The following ANK1 variants were observed in gnomAD, a reference collection of about 807,000 sequenced individuals.
The protein encoded by ANK1 is ankyrin-1.
In ANK1, 51 loss-of-function variants were observed where a neutral mutation model predicts 210.4. The observed-to-expected ratio is 0.24, with a 90% CI of 0.19 to 0.31. The LOEUF is 0.31. Ranked by LOEUF, ANK1 falls within the 10% of genes least tolerant of loss-of-function variation. The pLI is 1.00. For synonymous variants in ANK1, 967 were observed against 1,025.9 expected (o/e 0.94, Z 1.10); for missense variants, 2,051 against 2,504.4 (o/e 0.82, Z 3.86).
At chr8:41,777,611 AAAACAAAC>A (rs200293743) in intron 1 of ANK1, among the ~76,000 whole-genome samples, 27 of 151,452 alleles carry the variant, frequency 1.8e-4, no homozygotes, top group Admixed American at 2.6e-4. Flanking sequence ...ACAATAAATA[AAAACAAAC>A]AAACAAACAA....
At chr8:41,844,681 A>G (rs1411402317) in intron 1 of ANK1, among the ~76,000 whole-genome samples, 2 of 152,226 alleles carry the variant, frequency 1.3e-5, no homozygotes, top group Non-Finnish European at 2.9e-5. Flanking sequence ...GCCTCCAAAG[A>G]GACGTGGTAA....
At chr8:41,794,983 C>T (rs1848484559) in intron 1 of ANK1, among the ~76,000 whole-genome samples, 1 of 152,208 alleles carries the variant, frequency 6.6e-6, no homozygotes, top group East Asian at 1.9e-4. Flanking sequence ...GGATTACCGG[C>T]GTGAGCCACC....
chr8:41,668,703 C>T, intron 38 of ANK1, 139 bp from the exon 39 acceptor site: 1 of 987,788 alleles, frequency 1.0e-6, no homozygotes, highest in South Asian at 1.7e-5. Flanking sequence ...CCTCCCATCC[C>T]TCCAAAGGTC....
At chr8:41,755,462 A>T (rs1013988821) in intron 2 of ANK1, among the ~76,000 whole-genome samples, 1 of 152,164 alleles carries the variant, frequency 6.6e-6, no homozygotes, top group Non-Finnish European at 1.5e-5. Context: ...GGTGTGATTC[A>T]CCTCCGCTGA....
At chr8:41,844,225 T>C (rs1809564746) in intron 1 of ANK1, among the ~76,000 whole-genome samples, 1 of 152,180 alleles carries the variant, frequency 6.6e-6, no homozygotes, top group Admixed American at 6.5e-5. Flanking sequence ...GTCCAGCTCC[T>C]CACCTTGGCA....
Position 41,672,526 on chromosome 8 carries a change from C to T in ANK1, c.4924G>A (p.Glu1642Lys), listed in dbSNP as rs372606605. The T allele has an allele frequency of 3.1e-6, 5 of 1,614,240 alleles. No individual in the cohort carries two copies. Among genetic ancestry groups the T allele is most frequent in the South Asian group, 1.1e-5 (1 of 91,086 alleles). ...AGCTTCTCTTCTGACCTCTGACCTTCCTCCTGTTCAAGCAAATCGATAAGG... is the reference window on the plus strand; with the variant it reads ...AGCTTCTCTTCTGACCTCTGACCTTTCTCCTGTTCAAGCAAATCGATAAGG... ...NGLIDLLEQE[E>K]GQRSEEKLPG... is the part of the protein sequence containing the mutation. The change falls in exon 38 of 43, where the codon GAA becomes AAA. Residue 1642 changes from glutamate to lysine, a missense_variant. This residue lies in a region of ANK1 where 496 missense variants were observed against 533.4 expected (regional missense o/e 0.93). Coordinates refer to ENST00000289734, the MANE Select transcript of ANK1 (RefSeq NM_000037.4).
intron 35 of ANK1, 113 bp from the exon 36 acceptor site, chr8:41,686,396 C>T (rs1178852651): frequency 2.5e-5 from 35 of 1,412,446 alleles, no homozygotes; most frequent in Non-Finnish European, 3.3e-5. Flanking sequence ...GTGGGGAGCA[C>T]AGGGAGCTCT....
intron 20 of ANK1, 32 bp from the exon 21 acceptor site, chr8:41,702,176 C>T: frequency 6.3e-7 from 1 of 1,584,174 alleles, no homozygotes; most frequent in Non-Finnish European, 8.7e-7. Context: ...TGCAGTCAGA[C>T]AGGGGATGGA....
At chr8:41,723,491 G>GA (rs1829828250) in intron 8 of ANK1, 44 bp downstream of exon 8, 1 of 1,602,282 alleles carries the variant, frequency 6.2e-7, no homozygotes, top group Non-Finnish European at 8.5e-7. Flanking sequence ...TGTGAGGGGG[G>GA]ACCTCCCTCC....
At position 41,723,178 on chromosome 8, in the gene ANK1, G is replaced by A. The variant is rs2150651762; in HGVS notation, c.856C>T (p.Arg286Ter). The stretch of plus-strand genomic sequence containing the variant: ...TGGTCCAGCAGGATCTCTGAGATTC[G>A]CACGTGCCCATTTCGAGCTGCACAG... ...LHCAARNGHV[R>*]ISEILLDHGA... The change falls in exon 9 of 43, where the codon CGA (arginine) becomes TGA (stop). Residue 286 changes from arginine (R) to a stop codon, truncating the protein, a stop_gained. Coordinates refer to ENST00000289734, the MANE Select transcript of ANK1 (RefSeq NM_000037.4). LOFTEE classifies it high-confidence loss of function. The A allele has an allele frequency of 6.2e-7, 1 of 1,614,114 alleles. No individual in the cohort carries two copies. Among genetic ancestry groups the A allele is most frequent in the Non-Finnish European group, 8.5e-7 (1 of 1,180,006 alleles).
At chr8:41,863,861 C>T (rs1331400193) in intron 1 of ANK1, among the ~76,000 whole-genome samples, 1 of 152,180 alleles carries the variant, frequency 6.6e-6, no homozygotes, top group Admixed American at 6.5e-5. Flanking sequence ...CAGGGGCTTA[C>T]CATGCTCTAA....
At chr8:41,695,026 C>G (rs183002159) in intron 27 of ANK1, 151 bp downstream of exon 27, 2 of 1,160,888 alleles carry the variant, frequency 1.7e-6, no homozygotes, top group African/African-American at 3.0e-5. Context: ...TCTCACACAT[C>G]CTGGGGACCC....
intron 1 of ANK1, among the ~76,000 whole-genome samples, chr8:41,761,344 TAC>T (rs1840390560): frequency 6.9e-6 from 1 of 144,264 alleles, no homozygotes; most frequent in African/African-American, 2.6e-5. Flanking sequence ...CCTGCACACA[TAC>T]ACATGCACAT....
chr8:41,748,129 A>G (rs987757464), intron 2 of ANK1, among the ~76,000 whole-genome samples: 1 of 152,180 alleles, frequency 6.6e-6, no homozygotes, highest in Non-Finnish European at 1.5e-5. Context: ...GGTGCCAGGC[A>G]TAGGGGCACC....
At chr8:41,870,015 C>T (rs1815172561) in intron 1 of ANK1, among the ~76,000 whole-genome samples, 1 of 152,082 alleles carries the variant, frequency 6.6e-6, no homozygotes, top group South Asian at 2.1e-4. Flanking sequence ...ATTCAGCAGG[C>T]TGAGAGGGCA....
intron 24 of ANK1, 33 bp from the exon 25 acceptor site, chr8:41,696,806 C>T (rs1342373611): frequency 6.3e-7 from 1 of 1,577,704 alleles, no homozygotes; most frequent in South Asian, 1.1e-5. Flanking sequence ...CCTGTCCCAC[C>T]TCCTCCCGGG....
chr8:41,727,786 T>G, intron 4 of ANK1, 122 bp downstream of exon 4: 1 of 903,990 alleles, frequency 1.1e-6, no homozygotes, highest in Non-Finnish European at 1.8e-6. Context: ...CTGAGAAATC[T>G]AGGCCCTGCC....
intron 35 of ANK1, 38 bp downstream of exon 35, chr8:41,688,118 T>A (rs180738002): frequency 1.5e-5 from 24 of 1,598,130 alleles, no homozygotes; most frequent in Non-Finnish European, 2.1e-5. Flanking sequence ...GTAGGTGAGA[T>A]GGACAAAGTG....
chr8:41,714,320 T>C, intron 15 of ANK1, 66 bp from the exon 16 acceptor site: 1 of 1,251,052 alleles, frequency 8.0e-7, no homozygotes, highest in East Asian at 2.5e-5. Context: ...GGACTCCCTT[T>C]AGGCATGGGA....
Sources: allele counts gnomAD v4.1 joint callset (sites outside exome capture counted in the v4.1 genomes callset), GRCh38; gene constraint gnomAD v4.1.1; regional missense constraint gnomAD v4.1.1; transcripts MANE v1.5; gene names NCBI Gene and HGNC (gene_info 2026-07-23, HGNC 2026-07-21).